The following NAT1 variants were observed in gnomAD, a reference collection of about 807,000 sequenced individuals.
The protein encoded by NAT1 is arylamine N-acetyltransferase 1.
For synonymous variants in NAT1, 144 were observed against 122.6 expected (o/e 1.17, Z -1.16); for missense variants, 400 against 339.2 (o/e 1.18, Z -1.41).
chr8:18,187,238 T>C (rs538471569), intron 2 of NAT1, among the ~76,000 whole-genome samples: 68 of 152,334 alleles, frequency 4.5e-4, no homozygotes, highest in Non-Finnish European at 7.2e-4. Flanking sequence ...GAAACACTTA[T>C]ACACTGCTGG....
At chr8:18,184,159 T>C (rs995543977) in intron 2 of NAT1, among the ~76,000 whole-genome samples, 1 of 152,176 alleles carries the variant, frequency 6.6e-6, no homozygotes, top group Non-Finnish European at 1.5e-5. Context: ...TGCCATAACA[T>C]CCTTTGAAGT....
At chr8:18,202,491 T>C (rs938257832) in intron 2 of NAT1, among the ~76,000 whole-genome samples, 1 of 152,216 alleles carries the variant, frequency 6.6e-6, no homozygotes, top group Non-Finnish European at 1.5e-5. Flanking sequence ...ACCTTTGCGG[T>C]GAGTGTTACA....
At chr8:18,182,495 T>C (rs1228072251) in intron 2 of NAT1, among the ~76,000 whole-genome samples, 3 of 152,200 alleles carry the variant, frequency 2.0e-5, no homozygotes, top group Admixed American at 6.5e-5. Context: ...TTTTTGCTTA[T>C]GGTGTGAGCT....
chr8:18,211,684 C>T lies in NAT1; in HGVS notation c.-86+1504C>T, dbSNP rs1455112980. On this transcript the variant is annotated intron_variant, in intron 1 of 2. Transcript: ENST00000307719. ...ATGATGGTCTTTGGGTGCGGCTAGT[C>T]CAGCAACCCCTTTTCATCCAGAGGC... Among the ~76,000 whole-genome samples the T allele has an allele frequency of 1.1e-4, 17 of 152,242 alleles. 1 individual carries two copies. In the East Asian group the frequency reaches 2.9e-3, roughly 26 times the overall value.
chr8:18,209,942 C>T (rs1188654695), upstream of NAT1: 3 of 152,116 alleles, frequency 2.0e-5, no homozygotes, highest in Non-Finnish European at 4.4e-5. Context: ...TACAACTCTC[C>T]ACCCTTTTTT....
upstream of NAT1, among the ~76,000 whole-genome samples, chr8:18,209,500 C>T (rs1803885890): frequency 6.6e-6 from 1 of 152,108 alleles, no homozygotes; most frequent in Non-Finnish European, 1.5e-5. Flanking sequence ...GAGAAAAATG[C>T]ATAAGAAACA....
chr8:18,197,102 A>G (rs555393014), intron 2 of NAT1, among the ~76,000 whole-genome samples: 154 of 152,280 alleles, frequency 1.0e-3, no homozygotes, highest in African/African-American at 3.6e-3. Context: ...AGCTCTCATG[A>G]GAACTAACTC....
Position 18,222,064 on chromosome 8 carries a change from A to G in NAT1, c.17A>G (p.Tyr6Cys). The G allele has an allele frequency of 6.2e-7, 1 of 1,613,100 alleles. No individual in the cohort carries two copies. The highest frequency in any genetic ancestry group is 1.1e-5 in the South Asian group (1 of 90,912). The change falls in exon 3 of 3, where the codon TAT becomes TGT. Residue 6 changes from tyrosine (Y) to cysteine (C), a missense_variant. Coordinates refer to ENST00000307719, the MANE Select transcript of NAT1 (RefSeq NM_000662.8). MDIEA[Y>C]LERIGYKKSR... ...TAGGGGATCATGGACATTGAAGCATATCTTGAAAGAATTGGCTATAAGAAG... is the reference window on the plus strand; with the variant it reads ...TAGGGGATCATGGACATTGAAGCATGTCTTGAAAGAATTGGCTATAAGAAG...
chr8:18,173,287 G>A (rs944966519), intron 2 of NAT1, among the ~76,000 whole-genome samples: 2 of 152,104 alleles, frequency 1.3e-5, no homozygotes, highest in Non-Finnish European at 2.9e-5. Flanking sequence ...TTAGAATCAG[G>A]GTGTCTCGTT....
Position 18,222,556 on chromosome 8 carries a change from T to A in NAT1, c.509T>A (p.Ile170Asn). ...YLDQIRREQY[I>N]PNEEFLHSDL... Reference sequence around the variant, plus strand: ...GACCAAATCAGAAGGGAACAGTACATTCCAAATGAAGAATTTCTTCATTCT... The same window carrying A: ...GACCAAATCAGAAGGGAACAGTACAATCCAAATGAAGAATTTCTTCATTCT... The change falls in exon 3 of 3, where the codon ATT becomes AAT. Residue 170 changes from isoleucine (I) to asparagine (N), a missense_variant. Transcript: ENST00000307719. 6.2e-7 allele frequency: 1 copy of A among 1,614,076 alleles called. No individual in the cohort carries two copies. Among genetic ancestry groups the A allele is most frequent in the Non-Finnish European group, 8.5e-7 (1 of 1,179,984 alleles).
At chr8:18,212,795 T>C (rs1304640100) in intron 1 of NAT1, 1 of 152,368 alleles carries the variant, frequency 6.6e-6, no homozygotes, top group East Asian at 1.9e-4. Flanking sequence ...GAAAGTATTC[T>C]TTCTGTGCTA....
chr8:18,222,929 G>A lies in NAT1; in HGVS notation c.*9G>A. The A allele has an allele frequency of 6.5e-7, 1 of 1,528,164 alleles. No homozygotes were observed. The highest frequency in any genetic ancestry group is 2.3e-5 in the East Asian group (1 of 44,236). The allele number at this position is 1,528,164 out of a possible 1,614,324, so 94.7% of individuals were successfully genotyped here. ...GATTTTTTACTATTTAGAATAAGGAGTAAAACAATCTTGTCTATTTGTCAT... is the reference window on the plus strand; with the variant it reads ...GATTTTTTACTATTTAGAATAAGGAATAAAACAATCTTGTCTATTTGTCAT... On this transcript the variant is annotated 3_prime_UTR_variant, in exon 3 of 3. Transcript: ENST00000307719.
intron 2 of NAT1, among the ~76,000 whole-genome samples, chr8:18,178,689 A>G (rs766193354): frequency 9.2e-5 from 14 of 152,168 alleles, no homozygotes; most frequent in Non-Finnish European, 1.5e-4. Context: ...AATGTGGACA[A>G]TTGAGTCATA....
chr8:18,196,202 G>A (rs952396747), intron 2 of NAT1, among the ~76,000 whole-genome samples: 6 of 151,594 alleles, frequency 4.0e-5, no homozygotes, highest in Non-Finnish European at 7.4e-5. Flanking sequence ...CTCCTGCCTC[G>A]GACCTCCAAA....
At chr8:18,197,591 A>G (rs1260069867) in intron 2 of NAT1, among the ~76,000 whole-genome samples, 1 of 152,194 alleles carries the variant, frequency 6.6e-6, no homozygotes, top group Non-Finnish European at 1.5e-5. Flanking sequence ...AGATTCAGAA[A>G]CACTGGTATG....
intron 2 of NAT1, among the ~76,000 whole-genome samples, chr8:18,193,764 C>T (rs949473215): frequency 1.3e-5 from 2 of 149,092 alleles, no homozygotes; most frequent in African/African-American, 4.9e-5. Context: ...GCCTTAGTCT[C>T]CTGAGTAGCT....
At chr8:18,216,094 G>C (rs117416509) in intron 1 of NAT1, among the ~76,000 whole-genome samples, 2,054 of 152,180 alleles carry the variant, frequency 0.013, 22 homozygotes, top group Middle Eastern at 0.078. Flanking sequence ...AAACAAAAGG[G>C]GCAGAGGAAA....
intron 2 of NAT1, among the ~76,000 whole-genome samples, chr8:18,178,346 A>G (rs1173534723): frequency 2.0e-5 from 3 of 152,178 alleles, no homozygotes; most frequent in African/African-American, 7.2e-5. Flanking sequence ...ACATAAGTCA[A>G]AAGAGAATAA....
intron 2 of NAT1, among the ~76,000 whole-genome samples, chr8:18,182,725 T>G (rs1290298860): frequency 6.6e-6 from 1 of 152,218 alleles, no homozygotes; most frequent in East Asian, 1.9e-4. Context: ...TATTTTTGAC[T>G]ATTTGCATTT....
Sources: allele counts gnomAD v4.1 joint callset (sites outside exome capture counted in the v4.1 genomes callset), GRCh38; gene constraint gnomAD v4.1.1; transcripts MANE v1.5; gene names NCBI Gene and HGNC (gene_info 2026-07-23, HGNC 2026-07-21).